SZRD1: variants seen among roughly 807,000 people sequenced by gnomAD.
SZRD1 encodes SUZ RNA binding domain containing 1, also known as SUZ RNA-binding domain-containing.
SZRD1 carries 7 observed loss-of-function variants against 17.6 expected under a neutral mutation model. That is an observed-to-expected ratio of 0.40 (90% CI 0.23 to 0.75). SZRD1 has a LOEUF of 0.75. Ranked by LOEUF, SZRD1 falls within the 30% of genes least tolerant of loss-of-function variation. The pLI, the probability that SZRD1 is intolerant of heterozygous loss-of-function variation, is 0.38. For missense variants in SZRD1, 178 were observed against 201.8 expected (o/e 0.88, Z 0.71); for synonymous variants, 77 against 77.9 (o/e 0.99, Z 0.06).
rs1364138974 is a variant in SZRD1 at position 16,395,830 on chromosome 1, C to G, written c.*690C>G. 1 of 154,322 alleles carries G rather than the reference C, an allele frequency of 6.5e-6. No homozygotes were observed. The highest frequency in any genetic ancestry group is 1.4e-5 in the Non-Finnish European group (1 of 69,178). The allele number at this position is 154,322 out of a possible 1,614,324, so 9.6% of individuals were successfully genotyped here. On this transcript the variant is annotated 3_prime_UTR_variant, in exon 4 of 4. Transcript: ENST00000401088. ...TGCCGCCCAGAAAAGGGGCAGGGCT[C>G]TGCAGCCGCCAGGACAGACGAGCAC...
rs911120641 is a variant in SZRD1, at chr1:16,392,232, T to C, written c.101+808T>C. The stretch of plus-strand genomic sequence containing the variant: ...ATTTGTGTCCTACCCGAGACTTGTT[T>C]CCATCCACCCTGGCTCAGTTCCTCC... On this transcript the variant is annotated intron_variant, in intron 2 of 3. Coordinates refer to ENST00000401088, the MANE Select transcript of SZRD1 (RefSeq NM_001114600.3). Among the ~76,000 whole-genome samples, 3 of 152,192 alleles carry C rather than the reference T, an allele frequency of 2.0e-5. No individual in the cohort carries two copies. In the East Asian group the frequency reaches 5.8e-4, roughly 29 times the overall value.
rs1376466233 is a variant in SZRD1, at chr1:16,395,803, A to G, written c.*663A>G. 1 of 154,492 alleles carries G rather than the reference A, an allele frequency of 6.5e-6. No homozygotes were observed. The highest frequency in any genetic ancestry group is 1.9e-4 in the East Asian group (1 of 5,218). The allele number at this position is 154,492 out of a possible 1,614,324, so 9.6% of individuals were successfully genotyped here. On this transcript the variant is annotated 3_prime_UTR_variant, in exon 4 of 4. Coordinates refer to ENST00000401088, the MANE Select transcript of SZRD1 (RefSeq NM_001114600.3). ...TGGTGAGCTTAGCTTCTGTATTCCTACTGCCGCCCAGAAAAGGGGCAGGGC... is the reference window on the plus strand; with the variant it reads ...TGGTGAGCTTAGCTTCTGTATTCCTGCTGCCGCCCAGAAAAGGGGCAGGGC...
intron 1 of SZRD1, among the ~76,000 whole-genome samples, chr1:16,374,457 C>G (rs952412312): frequency 2.0e-5 from 3 of 152,210 alleles, no homozygotes; most frequent in African/African-American, 7.2e-5. Flanking sequence ...CTGTTCCCAG[C>G]GTGCTCTGGG....
chr1:16,373,938 A>G (rs1419905640), intron 1 of SZRD1, among the ~76,000 whole-genome samples: 15 of 151,908 alleles, frequency 9.9e-5, no homozygotes, highest in Admixed American at 9.8e-4. Context: ...CAGAACTTTG[A>G]TTTTCTTCTC....
Position 16,391,484 on chromosome 1 carries a change from A to C in SZRD1, c.101+60A>C. 7.1e-7 allele frequency: 1 copy of C among 1,413,294 alleles called. No homozygotes were observed. Among genetic ancestry groups the C allele is most frequent in the Non-Finnish European group, 9.7e-7 (1 of 1,026,754 alleles). The allele number at this position is 1,413,294 out of a possible 1,614,324, so 87.5% of individuals were successfully genotyped here. A position where few individuals can be genotyped will look rare whatever the true frequency, so the allele number is the denominator to read the frequency against. Reference sequence around the variant, plus strand: ...TCTGTGGTTTGAGAGCCGGGCAGTCAGTGGTGTTCTCCAGCTGGCCATTAG... The same window carrying C: ...TCTGTGGTTTGAGAGCCGGGCAGTCCGTGGTGTTCTCCAGCTGGCCATTAG... On this transcript the variant is annotated intron_variant, in intron 2 of 3. Coordinates refer to ENST00000401088, the MANE Select transcript of SZRD1 (RefSeq NM_001114600.3). This position sits in a 1 kb window ranked among gnomAD's most constrained non-coding sequence, Gnocchi z 4.3.
chr1:16,394,941 T>C lies in SZRD1; in HGVS notation c.357-97T>C, dbSNP rs900499825. 6 of 753,728 alleles carry C rather than the reference T, an allele frequency of 8.0e-6. No individual in the cohort carries two copies. The African/African-American group carries it at 1.1e-4, about 13-fold the overall frequency. 46.7% of individuals were successfully genotyped at this position (753,728 alleles called of 1,614,324 possible). A position where few individuals can be genotyped will look rare whatever the true frequency, so the allele number is the denominator to read the frequency against. On this transcript the variant is annotated intron_variant, in intron 3 of 3. Coordinates refer to ENST00000401088, the MANE Select transcript of SZRD1 (RefSeq NM_001114600.3). ...CTGCACTCCAATCTAGGTGACAGAA[T>C]GAGACTCCGTCTCAAAAATAAATAA...
chr1:16,394,946 C>A, intron 3 of SZRD1, 92 bp from the exon 4 acceptor site: 1 of 780,934 alleles, frequency 1.3e-6, no homozygotes, highest in Non-Finnish European at 2.1e-6. Flanking sequence ...CAGAATGAGA[C>A]TCCGTCTCAA....
chr1:16,386,992 C>G (rs917695017), intron 1 of SZRD1: 1 of 244,000 alleles, frequency 4.1e-6, no homozygotes, highest in African/African-American at 2.3e-5. Flanking sequence ...ACCTTGTGAC[C>G]TTGGGTAAGT....
At chr1:16,387,012 C>T (rs1338574203) in intron 1 of SZRD1, 2 of 275,124 alleles carry the variant, frequency 7.3e-6, no homozygotes, top group African/African-American at 2.3e-5. Flanking sequence ...TTCCCTAACC[C>T]TCATCTGACA....
At chr1:16,376,603 C>A (rs921448769) in intron 1 of SZRD1, among the ~76,000 whole-genome samples, 8 of 152,024 alleles carry the variant, frequency 5.3e-5, no homozygotes, top group African/African-American at 1.9e-4. Flanking sequence ...GTCAGGAGTT[C>A]CAGATCAGCC....
chr1:16,390,248 C>T (rs915850563), intron 1 of SZRD1, among the ~76,000 whole-genome samples: 24 of 152,214 alleles, frequency 1.6e-4, no homozygotes, highest in Non-Finnish European at 2.5e-4. Flanking sequence ...GTTCTGTGCA[C>T]GGCCTCTCCC....
chr1:16,367,341 G>C, intron 1 of SZRD1, 33 bp downstream of exon 1: 1 of 1,541,882 alleles, frequency 6.5e-7, no homozygotes, highest in Non-Finnish European at 8.8e-7. Flanking sequence ...TGGCAGGGCC[G>C]GGCGAGACCT....
At chr1:16,371,525 A>G (rs1272956350) in intron 1 of SZRD1, among the ~76,000 whole-genome samples, 1 of 146,094 alleles carries the variant, frequency 6.8e-6, no homozygotes, top group African/African-American at 2.6e-5. Context: ...GCAGTGGCGC[A>G]ATCTCGGCTC....
At position 16,395,443 on chromosome 1, in the gene SZRD1, C is replaced by T; in HGVS notation, c.*303C>T. The T allele has an allele frequency of 2.4e-6, 1 of 415,872 alleles. No individual in the cohort carries two copies. The highest frequency in any genetic ancestry group is 4.8e-5 in the East Asian group (1 of 20,678). The allele number at this position is 415,872 out of a possible 1,614,324, so 25.8% of individuals were successfully genotyped here. The stretch of plus-strand genomic sequence containing the variant: ...CCCAGCAAGGACTCAGAGAGTCAGA[C>T]AGTGCCACTTGGCCACTTGGGGTAA... On this transcript the variant is annotated 3_prime_UTR_variant, in exon 4 of 4. Coordinates refer to ENST00000401088, the MANE Select transcript of SZRD1 (RefSeq NM_001114600.3).
At chr1:16,381,530 C>G (rs775525475) in intron 1 of SZRD1, among the ~76,000 whole-genome samples, 1 of 146,180 alleles carries the variant, frequency 6.8e-6, no homozygotes, top group Non-Finnish European at 1.5e-5. Context: ...GCACTCCAGC[C>G]TGGGCGACAG....
chr1:16,384,157 T>C (rs2083151078), intron 1 of SZRD1, among the ~76,000 whole-genome samples: 1 of 152,106 alleles, frequency 6.6e-6, no homozygotes, highest in Non-Finnish European at 1.5e-5. Context: ...GTCACTGCTA[T>C]GCTACTGATG....
chr1:16,389,766 A>C (rs887278587), intron 1 of SZRD1, among the ~76,000 whole-genome samples: 1 of 152,262 alleles, frequency 6.6e-6, no homozygotes, highest in Non-Finnish European at 1.5e-5. Flanking sequence ...TTTTCAGAAC[A>C]TACAGAGCAC....
At position 16,393,551 on chromosome 1, in the gene SZRD1, G is replaced by C; in HGVS notation, c.356+69G>C. ...CCACCCGGGAAGAGGAGAGCATCCTGGCTGCGTGTAGAGTAGTGAGAAGCA... is the reference window on the plus strand; with the variant it reads ...CCACCCGGGAAGAGGAGAGCATCCTCGCTGCGTGTAGAGTAGTGAGAAGCA... On this transcript the variant is annotated intron_variant, in intron 3 of 3. Transcript: ENST00000401088. This position sits in a 1 kb window ranked among gnomAD's most constrained non-coding sequence, Gnocchi z 5.6. 1 of 1,499,378 alleles carries C rather than the reference G, an allele frequency of 6.7e-7. No homozygotes were observed. Among genetic ancestry groups the C allele is most frequent in the Non-Finnish European group, 9.0e-7 (1 of 1,113,738 alleles). The allele number at this position is 1,499,378 out of a possible 1,614,324, so 92.9% of individuals were successfully genotyped here. A position where few individuals can be genotyped will look rare whatever the true frequency, so the allele number is the denominator to read the frequency against.
chr1:16,367,443 C>G, intron 1 of SZRD1, 135 bp downstream of exon 1: 1 of 792,868 alleles, frequency 1.3e-6, no homozygotes, highest in Non-Finnish European at 1.9e-6. Flanking sequence ...GGAGAGGCCC[C>G]CAGTTCCTGA....
Sources: allele counts gnomAD v4.1 joint callset (sites outside exome capture counted in the v4.1 genomes callset), GRCh38; gene constraint gnomAD v4.1.1; non-coding constraint Gnocchi (gnomAD v3.1); transcripts MANE v1.5; gene names NCBI Gene and HGNC (gene_info 2026-07-23, HGNC 2026-07-21).